The following KCNH5 variants were observed in gnomAD, a reference collection of about 807,000 sequenced individuals.
KCNH5 encodes potassium voltage-gated channel subfamily H member 5, also known as voltage-gated delayed rectifier potassium channel KCNH5.
In KCNH5, 46 loss-of-function variants were observed where a neutral mutation model predicts 96.1. The ratio of observed to expected loss-of-function variants is 0.48; its 90% CI spans 0.38 to 0.61. The LOEUF (loss-of-function observed/expected upper bound fraction) is 0.61, where lower values mean the gene tolerates loss of function less well. Among genes scored for constraint, KCNH5 ranks in the 20% least tolerant of loss-of-function variants. KCNH5 has a pLI of 0.00. For synonymous variants in KCNH5, 439 were observed against 449.8 expected (o/e 0.98, Z 0.30); for missense variants, 907 against 1,225.8 (o/e 0.74, Z 3.88).
intron 10 of KCNH5, among the ~76,000 whole-genome samples, chr14:62,760,101 G>A (rs1357554200): frequency 2.6e-5 from 4 of 152,116 alleles, no homozygotes; most frequent in African/African-American, 4.8e-5. Flanking sequence ...CAGGAGGCTG[G>A]ATCTGATTTC....
In KCNH5 at chr14:62,985,420, G is replaced by C. The variant is rs187855370; in HGVS notation, c.549+1652C>G. Among the ~76,000 whole-genome samples, 98 of 152,234 alleles carry C rather than the reference G, an allele frequency of 6.4e-4. 5 individuals carry two copies. The East Asian group carries it at 6.8e-3, about 11-fold the overall frequency. On this transcript the variant is annotated intron_variant, in intron 5 of 10. Transcript: ENST00000322893. ...AAACCAGATTCAATATTTACGACAAGTTAAGAAAATTACTCTGAAGTGCTT... is the reference window on the plus strand; with the variant it reads ...AAACCAGATTCAATATTTACGACAACTTAAGAAAATTACTCTGAAGTGCTT...
intron 6 of KCNH5, among the ~76,000 whole-genome samples, chr14:62,953,780 G>T (rs1330768719): frequency 6.6e-6 from 1 of 151,988 alleles, no homozygotes; most frequent in African/African-American, 2.4e-5. Context: ...TGATTTCCTG[G>T]TTTTTTCTCA....
At chr14:62,802,122 T>C (rs574531419) in intron 9 of KCNH5, among the ~76,000 whole-genome samples, 4 of 152,304 alleles carry the variant, frequency 2.6e-5, no homozygotes, top group South Asian at 2.1e-4. Flanking sequence ...AAAGAAAGTT[T>C]AATCAAACTC....
intron 10 of KCNH5, among the ~76,000 whole-genome samples, chr14:62,776,668 T>A (rs1175089659): frequency 6.6e-6 from 1 of 152,238 alleles, no homozygotes; most frequent in Non-Finnish European, 1.5e-5. Context: ...TTCCATTCCA[T>A]GCCGTAGTTG....
chr14:62,806,731 C>T (rs4441171), intron 8 of KCNH5, among the ~76,000 whole-genome samples: 7 of 151,794 alleles, frequency 4.6e-5, no homozygotes, highest in Admixed American at 2.6e-4. Context: ...ACATTGGGTT[C>T]GAGGCCCAAC....
intron 1 of KCNH5, among the ~76,000 whole-genome samples, chr14:63,026,227 A>G (rs1477265366): frequency 1.3e-5 from 2 of 152,128 alleles, no homozygotes; most frequent in African/African-American, 4.8e-5. Context: ...AATGGATTGA[A>G]GACTTCAACA....
chr14:62,783,410 T>G (rs1886259161), intron 9 of KCNH5, among the ~76,000 whole-genome samples: 2 of 152,252 alleles, frequency 1.3e-5, no homozygotes, highest in African/African-American at 2.4e-5. Flanking sequence ...ATCTACCTCT[T>G]ATTTCTTTTC....
intron 8 of KCNH5, among the ~76,000 whole-genome samples, chr14:62,818,693 T>C (rs984496965): frequency 6.6e-6 from 1 of 152,176 alleles, no homozygotes; most frequent in Non-Finnish European, 1.5e-5. Flanking sequence ...TGTGTAGATA[T>C]GTTATTAAAA....
At chr14:62,712,347 T>A (rs988086299) in intron 10 of KCNH5, 2 of 328,788 alleles carry the variant, frequency 6.1e-6, no homozygotes, top group East Asian at 1.0e-4. Context: ...AGCAAAGTGG[T>A]CACTTCCACA....
At chr14:62,868,642 T>C (rs1051436922) in intron 7 of KCNH5, among the ~76,000 whole-genome samples, 9 of 152,082 alleles carry the variant, frequency 5.9e-5, no homozygotes, top group African/African-American at 2.2e-4. Context: ...CCATAGTGAT[T>C]TGCTGCACCC....
intron 6 of KCNH5, among the ~76,000 whole-genome samples, chr14:62,969,063 C>T (rs1357879790): frequency 6.6e-6 from 1 of 152,098 alleles, no homozygotes; most frequent in East Asian, 1.9e-4. Context: ...ACAATGTCTG[C>T]TTTCAGGTCA....
At chr14:62,946,683 C>T (rs1362696490) in intron 7 of KCNH5, among the ~76,000 whole-genome samples, 1 of 152,006 alleles carries the variant, frequency 6.6e-6, no homozygotes, top group Non-Finnish European at 1.5e-5. Context: ...CAATGTCCTT[C>T]AATAGATGGT....
chr14:62,967,064 T>A (rs1229801722), intron 6 of KCNH5, among the ~76,000 whole-genome samples: 1 of 152,142 alleles, frequency 6.6e-6, no homozygotes, highest in Non-Finnish European at 1.5e-5. Context: ...CTCTACCTAA[T>A]CTAATACTTC....
At chr14:62,842,507 T>G (rs1251132967) in intron 8 of KCNH5, among the ~76,000 whole-genome samples, 1 of 152,264 alleles carries the variant, frequency 6.6e-6, no homozygotes, top group East Asian at 1.9e-4. Context: ...TAGGTACTGA[T>G]GGAAAAATTA....
intron 7 of KCNH5, among the ~76,000 whole-genome samples, chr14:62,944,486 C>T (rs992829700): frequency 1.3e-5 from 2 of 151,778 alleles, no homozygotes; most frequent in African/African-American, 4.9e-5. Context: ...ATCCTATCTT[C>T]CCCACCACAC....
intron 10 of KCNH5, among the ~76,000 whole-genome samples, chr14:62,724,226 TA>T (rs1306233592): frequency 6.6e-6 from 1 of 152,214 alleles, no homozygotes; most frequent in African/African-American, 2.4e-5. Context: ...ATTTGATGTT[TA>T]GAGTATCTAA....
chr14:63,012,431 T>C (rs1891246421), intron 2 of KCNH5, among the ~76,000 whole-genome samples: 1 of 152,082 alleles, frequency 6.6e-6, no homozygotes, highest in African/African-American at 2.4e-5. Context: ...ATAGCAAAAA[T>C]GTAGGAAAAC....
chr14:62,813,847 T>C lies in KCNH5; in HGVS notation c.1570-11266A>G, dbSNP rs905525246. 4.6e-5 allele frequency among the ~76,000 whole-genome samples: 7 copies of C among 152,320 alleles called. No homozygotes were observed. The East Asian group carries it at 1.4e-3, about 29-fold the overall frequency. ...TTTACAGGAATTTAATTCTCATTCA[T>C]TTCTTGGGAAGAAAAGAAAGCTCAC... On this transcript the variant is annotated intron_variant, in intron 8 of 10. Coordinates refer to ENST00000322893, the MANE Select transcript of KCNH5 (RefSeq NM_139318.5).
chr14:62,934,695 T>C (rs1934224228), intron 7 of KCNH5, among the ~76,000 whole-genome samples: 1 of 152,178 alleles, frequency 6.6e-6, no homozygotes, highest in Admixed American at 6.5e-5. Flanking sequence ...CAGCTTAGCT[T>C]TGAGTTTCAA....
Sources: allele counts gnomAD v4.1 joint callset (sites outside exome capture counted in the v4.1 genomes callset), GRCh38; gene constraint gnomAD v4.1.1; transcripts MANE v1.5; gene names NCBI Gene and HGNC (gene_info 2026-07-23, HGNC 2026-07-21).